DDX20: variants seen among roughly 807,000 people sequenced by gnomAD.
DDX20 encodes DEAD-box helicase 20.
A neutral mutation model predicts 76.4 loss-of-function variants in DDX20; 61 were observed. The observed-to-expected ratio is 0.80, with a 90% CI of 0.65 to 0.99. DDX20 has a LOEUF of 0.99. Ranked by LOEUF, DDX20 falls within the 50% of genes least tolerant of loss-of-function variation. The probability of loss-of-function intolerance (pLI) is 0.00; values close to 1 mark genes in which losing one functional copy is unlikely to be tolerated. For missense variants in DDX20, 976 were observed against 996.8 expected, an observed-to-expected ratio of 0.98 and a Z score of 0.28; for synonymous variants, 357 against 357.4, an observed-to-expected ratio of 1.00 and a Z score of 0.01.
chr1:111,766,489 C>T lies in DDX20; in HGVS notation c.2065C>T (p.Pro689Ser). ...DNQLKDSESTPVDDRISLEQP... is the reference protein window; with the variant it reads ...DNQLKDSESTSVDDRISLEQP... ...TCAGCTGAAAGACTCTGAATCTACG[C>T]CTGTGGATGATCGTATTTCTTTGGA... The change falls in exon 11 of 11, where the codon CCT becomes TCT. Residue 689 changes from proline to serine, a missense_variant. Transcript: ENST00000369702. The T allele has an allele frequency of 6.2e-7, 1 of 1,614,090 alleles. No individual in the cohort carries two copies. The highest frequency in any genetic ancestry group is 8.5e-7 in the Non-Finnish European group (1 of 1,180,002).
intron 10 of DDX20, 120 bp from the exon 11 acceptor site, chr1:111,765,617 T>C (rs1663762514): frequency 2.4e-6 from 2 of 824,368 alleles, no homozygotes; most frequent in Non-Finnish European, 3.7e-6. Flanking sequence ...AACATCTTAG[T>C]ATATTTGCAT....
In DDX20 at chr1:111,766,885, C is replaced by T. The variant is rs757283389; in HGVS notation, c.2461C>T (p.His821Tyr). ...TACCATTTATCTACAAGAAATGATG[C>T]ATAGTAACCAGTGATTATAGGATAT... ...MNTIYLQEMM[H>Y]SNQ The change falls in exon 11 of 11, where the codon CAT becomes TAT. Residue 821 changes from histidine to tyrosine, a missense_variant. His to Tyr is a moderately conservative substitution (Grantham distance 83). Coordinates refer to ENST00000369702, the MANE Select transcript of DDX20 (RefSeq NM_007204.5). The T allele has an allele frequency of 5.6e-6, 9 of 1,608,038 alleles. No individual in the cohort carries two copies. Among genetic ancestry groups the T allele is most frequent in the Non-Finnish European group, 6.8e-6 (8 of 1,177,500 alleles).
intron 7 of DDX20, 167 bp downstream of exon 7, chr1:111,761,451 T>A: frequency 1.8e-6 from 1 of 566,116 alleles, no homozygotes; most frequent in Non-Finnish European, 3.0e-6. Context: ...ATTTGATATG[T>A]CAATATTCTA....
At chr1:111,762,821 G>A (rs1214279201) in intron 9 of DDX20, 39 bp downstream of exon 9, 1 of 1,591,232 alleles carries the variant, frequency 6.3e-7, no homozygotes, top group African/African-American at 1.3e-5. Flanking sequence ...TTTCTTTAAG[G>A]GGAGGGATCT....
At position 111,755,963 on chromosome 1, in the gene DDX20, A is replaced by G. The variant is rs771815417; in HGVS notation, c.39A>G (p.Ala13=). 8 of 1,594,580 alleles carry G rather than the reference A, an allele frequency of 5.0e-6. No individual in the cohort carries two copies. Among genetic ancestry groups the G allele is most frequent in the South Asian group, 1.1e-5 (1 of 89,822 alleles). ...TTGAAGCCTCGGGAGCCTTAGCAGC[A>G]GTGGCGACTGCTATGCCGGCTGAGC... The part of the protein sequence containing the change: ...AAFEASGALA[A]VATAMPAEHV... Residue 13 remains alanine (A), a synonymous_variant, in exon 1 of 11, where the codon GCA becomes GCG. Coordinates refer to ENST00000369702, the MANE Select transcript of DDX20 (RefSeq NM_007204.5).
chr1:111,766,647 G>A lies in DDX20; in HGVS notation c.2223G>A (p.Arg741=). 6.2e-7 allele frequency: 1 copy of A among 1,614,164 alleles called. No homozygotes were observed. Among genetic ancestry groups the A allele is most frequent in the Non-Finnish European group, 8.5e-7 (1 of 1,180,010 alleles). Residue 741 remains arginine, a synonymous_variant, in exon 11 of 11, where the codon CGG becomes CGA. Coordinates refer to ENST00000369702, the MANE Select transcript of DDX20 (RefSeq NM_007204.5). ...AGAGCCGGAGAAACCTACCCAGGCGGTCTTCCTTCAGATTGCAGACTGAAG... is the reference window on the plus strand; with the variant it reads ...AGAGCCGGAGAAACCTACCCAGGCGATCTTCCTTCAGATTGCAGACTGAAG... ...AKQSRRNLPR[R]SSFRLQTEAQ...
At chr1:111,764,268 C>T (rs1050472915) in intron 10 of DDX20, among the ~76,000 whole-genome samples, 8 of 147,814 alleles carry the variant, frequency 5.4e-5, no homozygotes, top group Admixed American at 4.7e-4. Context: ...GGCGAAAGTG[C>T]GAGACTCAGT....
chr1:111,760,037 T>C (rs1663640792), intron 3 of DDX20, among the ~76,000 whole-genome samples: 1 of 151,330 alleles, frequency 6.6e-6, no homozygotes, highest in African/African-American at 2.4e-5. Context: ...GGTACATGAC[T>C]GGTTTACCAG....
At chr1:111,756,356 G>C (rs1484639324) in intron 1 of DDX20, 131 bp downstream of exon 1, 10 of 948,808 alleles carry the variant, frequency 1.1e-5, no homozygotes, top group Non-Finnish European at 1.5e-5. Context: ...GCCCTGCCGG[G>C]GGCTAGGCGC....
chr1:111,762,556 C>G, intron 8 of DDX20, 121 bp from the exon 9 acceptor site: 2 of 930,970 alleles, frequency 2.1e-6, no homozygotes, highest in Admixed American at 2.6e-5. Context: ...TCCTTTTCCT[C>G]TGCTCCTCAG....
chr1:111,755,934 G>C lies in DDX20; in HGVS notation c.10G>C (p.Ala4Pro). The C allele has an allele frequency of 6.4e-7, 1 of 1,573,652 alleles. No individual in the cohort carries two copies. The highest frequency in any genetic ancestry group is 8.7e-7 in the Non-Finnish European group (1 of 1,155,542). MAA[A>P]FEASGALAAV... The stretch of plus-strand genomic sequence containing the variant: ...TGACGGCGCGGCTACCATGGCGGCG[G>C]CATTTGAAGCCTCGGGAGCCTTAGC... The change falls in exon 1 of 11, where the codon GCA becomes CCA. Residue 4 changes from alanine to proline, a missense_variant. By Grantham distance (27) the Ala-to-Pro change is conservative. Transcript: ENST00000369702.
In DDX20 at chr1:111,759,543, G is replaced by C; in HGVS notation, c.540G>C (p.Lys180Asn). Residue 180 changes from lysine to asparagine, a missense_variant, in exon 3 of 11, where the codon AAG becomes AAC. Physicochemically the swap from Lys to Asn is moderately conservative, Grantham distance 94. Around this residue, in one of 3 missense-constraint regions of DDX20, gnomAD observed 343 missense variants for 286.4 expected, o/e 1.20. Transcript: ENST00000369702. ...CACAAGACAAAACCAGACTTAAAAA[G>C]TGTCATATTGCTGTTGGATCTCCTG... ...PLSQDKTRLK[K>N]CHIAVGSPGR... 1 of 1,613,592 alleles carries C rather than the reference G, an allele frequency of 6.2e-7. No individual in the cohort carries two copies. The highest frequency in any genetic ancestry group is 8.5e-7 in the Non-Finnish European group (1 of 1,179,868).
intron 3 of DDX20, 74 bp from the exon 4 acceptor site, chr1:111,760,395 TAAGTA>T (rs1411112567): frequency 6.2e-6 from 6 of 975,600 alleles, no homozygotes; most frequent in Non-Finnish European, 9.4e-6. Flanking sequence ...CTGTAAGTAA[TAAGTA>T]GAGTAACAAT....
At position 111,756,732 on chromosome 1, in the gene DDX20, A is replaced by G. The variant is rs564686198; in HGVS notation, c.388A>G (p.Ser130Gly). Residue 130 changes from serine (S) to glycine (G), a missense_variant, in exon 2 of 11, where the codon AGT becomes GGT. Physicochemically the swap from Ser to Gly is moderately conservative, Grantham distance 56. This residue lies in a region of DDX20 where 343 missense variants were observed against 286.4 expected (regional missense o/e 1.20). Coordinates refer to ENST00000369702, the MANE Select transcript of DDX20 (RefSeq NM_007204.5). ...ALDSLVLENLSTQILILAPTR... is the reference protein window; with the variant it reads ...ALDSLVLENLGTQILILAPTR... ...GGACTCTCTTGTTCTTGAAAACTTA[A>G]GTACCCAGGTGAGTTAGCTGAGAGG... 1.1e-5 allele frequency: 17 copies of G among 1,613,968 alleles called. No homozygotes were observed. The highest frequency in any genetic ancestry group is 1.4e-5 in the Non-Finnish European group (16 of 1,179,834).
intron 2 of DDX20, 119 bp from the exon 3 acceptor site, chr1:111,759,281 A>G: frequency 1.2e-6 from 1 of 866,866 alleles, no homozygotes; most frequent in South Asian, 2.1e-5. Flanking sequence ...TACCTTATCA[A>G]TAAAAACTCA....
intron 3 of DDX20, among the ~76,000 whole-genome samples, chr1:111,759,811 A>G (rs1280928109): frequency 4.0e-5 from 6 of 151,326 alleles, no homozygotes; most frequent in African/African-American, 1.5e-4. Context: ...CGTCTCTACT[A>G]AAAATACAAA....
chr1:111,760,138 GC>G (rs1328250439), intron 3 of DDX20, among the ~76,000 whole-genome samples: 3 of 152,126 alleles, frequency 2.0e-5, no homozygotes, highest in Non-Finnish European at 2.9e-5. Flanking sequence ...CTTTCAGGAG[GC>G]CCTTCTAAGC....
intron 8 of DDX20, 47 bp from the exon 9 acceptor site, chr1:111,762,630 C>T (rs1266407826): frequency 6.9e-7 from 1 of 1,453,856 alleles, no homozygotes; most frequent in Admixed American, 1.7e-5. Context: ...GGTATCCATG[C>T]TGTATAGTTA....
intron 1 of DDX20, 41 bp from the exon 2 acceptor site, chr1:111,756,605 A>G (rs751588709): frequency 1.5e-5 from 23 of 1,572,850 alleles, no homozygotes; most frequent in Admixed American, 1.0e-4. Context: ...AAGTTGCTTC[A>G]GTGAGTACTG....
Sources: gnomAD v4.1 joint callset for allele counts (sites outside exome capture counted in the v4.1 genomes callset) on GRCh38, gnomAD v4.1.1 for gene constraint, gnomAD v4.1.1 regional missense constraint, MANE v1.5 for transcripts, NCBI Gene and HGNC (gene_info 2026-07-23, HGNC 2026-07-21) for gene names.